FBXL20: variants seen among roughly 807,000 people sequenced by gnomAD.
FBXL20 encodes F-box and leucine rich repeat protein 20.
In FBXL20, 11 loss-of-function variants were observed where a neutral mutation model predicts 64.0. The observed-to-expected ratio is 0.17, with a 90% CI of 0.11 to 0.28. The LOEUF (loss-of-function observed/expected upper bound fraction) is 0.28. Ranked by LOEUF, FBXL20 falls within the 10% of genes least tolerant of loss-of-function variation. The pLI is 1.00. For synonymous variants in FBXL20, 184 were observed against 189.0 expected, an observed-to-expected ratio of 0.97 and a Z score of 0.22; for missense variants, 303 against 526.2, an observed-to-expected ratio of 0.58 and a Z score of 4.15.
chr17:39,319,219 A>T (rs1479713515), intron 2 of FBXL20, among the ~76,000 whole-genome samples: 1 of 152,092 alleles, frequency 6.6e-6, no homozygotes, highest in Non-Finnish European at 1.5e-5. Context: ...ACTGCACTCC[A>T]GCCTGGCAAC....
chr17:39,291,568 G>A (rs2047040077), intron 6 of FBXL20, among the ~76,000 whole-genome samples: 1 of 151,134 alleles, frequency 6.6e-6, no homozygotes, highest in Admixed American at 6.6e-5. Context: ...CAAGTATCTG[G>A]GACCACAGAC....
intron 1 of FBXL20, among the ~76,000 whole-genome samples, chr17:39,385,955 G>A (rs1211554931): frequency 1.3e-5 from 2 of 151,118 alleles, no homozygotes; most frequent in African/African-American, 2.4e-5. Context: ...ACTTGAACCC[G>A]GGAGGCAGAG....
At position 39,401,339 on chromosome 17, in the gene FBXL20, C is replaced by A. The variant is rs766481404; in HGVS notation, c.42+22G>T. ...CGCGCGACCCGCCCTCCTCACGCCG[C>A]CCGAGCCCCCCAAGCTCACACCTCA... On this transcript the variant is annotated intron_variant, in intron 1 of 14. Coordinates refer to ENST00000264658, the MANE Select transcript of FBXL20 (RefSeq NM_032875.3). The A allele has an allele frequency of 2.3e-5, 37 of 1,612,040 alleles. No individual in the cohort carries two copies. In the East Asian group the frequency reaches 8.2e-4, roughly 36 times the overall value.
intron 7 of FBXL20, 81 bp from the exon 8 acceptor site, chr17:39,282,936 A>G: frequency 6.5e-7 from 1 of 1,532,698 alleles, no homozygotes; most frequent in African/African-American, 1.4e-5. Context: ...TTGGCTATTT[A>G]GTAAAGGAAT....
intron 9 of FBXL20, among the ~76,000 whole-genome samples, chr17:39,279,417 T>G (rs2046928607): frequency 6.6e-6 from 1 of 151,566 alleles, no homozygotes; most frequent in African/African-American, 2.4e-5. Flanking sequence ...AAGGATTGCT[T>G]GAGCCCTGTA....
At chr17:39,393,296 A>T (rs973416775) in intron 1 of FBXL20, among the ~76,000 whole-genome samples, 2 of 151,992 alleles carry the variant, frequency 1.3e-5, no homozygotes, top group Admixed American at 6.6e-5. Flanking sequence ...TCAGGAAAAA[A>T]AAATAATAAA....
At chr17:39,295,370 G>A (rs1459021502) in intron 6 of FBXL20, among the ~76,000 whole-genome samples, 4 of 152,042 alleles carry the variant, frequency 2.6e-5, no homozygotes, top group Non-Finnish European at 4.4e-5. Flanking sequence ...GGGTTCAAGC[G>A]ATTCTCATGC....
At chr17:39,385,659 TCA>T (rs1370827411) in intron 1 of FBXL20, among the ~76,000 whole-genome samples, 3 of 152,112 alleles carry the variant, frequency 2.0e-5, no homozygotes, top group Admixed American at 6.6e-5. Flanking sequence ...TGGTAACAAT[TCA>T]CAGAGACTGA....
intron 12 of FBXL20, among the ~76,000 whole-genome samples, chr17:39,265,680 TAA>T (rs766227076): frequency 5.4e-4 from 79 of 146,092 alleles, no homozygotes; most frequent in East Asian, 4.6e-3. Flanking sequence ...TTTTTTAAAT[TAA>T]AAAAATTTTT....
intron 1 of FBXL20, among the ~76,000 whole-genome samples, chr17:39,364,602 C>T (rs1024871258): frequency 6.6e-6 from 1 of 152,066 alleles, no homozygotes; most frequent in Non-Finnish European, 1.5e-5. Context: ...AGAACAAGAC[C>T]CTGTCTCAAA....
chr17:39,383,848 C>A (rs2048050839), intron 1 of FBXL20, among the ~76,000 whole-genome samples: 1 of 151,862 alleles, frequency 6.6e-6, no homozygotes, highest in Non-Finnish European at 1.5e-5. Flanking sequence ...CCTCGGCCTC[C>A]CAAAGTGCTG....
intron 11 of FBXL20, among the ~76,000 whole-genome samples, chr17:39,269,262 C>A (rs1196540222): frequency 6.6e-6 from 1 of 151,960 alleles, no homozygotes; most frequent in African/African-American, 2.4e-5. Context: ...GGCATGATCT[C>A]GGCTCACGGC....
intron 10 of FBXL20, among the ~76,000 whole-genome samples, chr17:39,272,189 A>G (rs533646019): frequency 1.3e-5 from 2 of 152,166 alleles, no homozygotes; most frequent in East Asian, 3.9e-4. Context: ...GATCGAGACC[A>G]GCCTGGCCAA....
intron 1 of FBXL20, among the ~76,000 whole-genome samples, chr17:39,377,805 C>T (rs2047982699): frequency 6.6e-6 from 1 of 152,120 alleles, no homozygotes; most frequent in South Asian, 2.1e-4. Context: ...GCCCAGCCTG[C>T]AAGTCCTGTC....
chr17:39,386,193 G>A (rs1721071497), intron 1 of FBXL20, among the ~76,000 whole-genome samples: 1 of 151,762 alleles, frequency 6.6e-6, no homozygotes, highest in Admixed American at 6.6e-5. Flanking sequence ...TGTATTCCCA[G>A]CCACTCCAGA....
At position 39,293,503 on chromosome 17, in the gene FBXL20, G is replaced by A. The variant is rs186168963; in HGVS notation, c.398+3624C>T. On this transcript the variant is annotated intron_variant, in intron 6 of 14. Coordinates refer to ENST00000264658, the MANE Select transcript of FBXL20 (RefSeq NM_032875.3). ...CTCCCAAAGTGCTGAAATTGCAGGC[G>A]TGAGCCACCATGCCCGGCCTGATTC... Among the ~76,000 whole-genome samples the A allele has an allele frequency of 6.8e-3, 1,030 of 152,044 alleles. 11 individuals are homozygous for A. The highest frequency in any genetic ancestry group is 8.4e-3 in the Non-Finnish European group (568 of 67,960).
In FBXL20 at chr17:39,332,536, C is replaced by CTT. The variant is rs58827473; in HGVS notation, c.104+10642_104+10643dup. Among the ~76,000 whole-genome samples the CTT allele has an allele frequency of 6.1e-3, 587 of 96,924 alleles. 12 individuals carry two copies. The highest frequency in any genetic ancestry group is 0.011 in the African/African-American group (269 of 24,400). The allele number at this position is 96,924 out of a possible 152,430, so 63.6% of individuals were successfully genotyped here. On this transcript the variant is annotated intron_variant, in intron 2 of 14. Transcript: ENST00000264658. ...CCCCTTTGCTGATTTTTCTTTGTAT[C>CTT]TTTTTTTTTTTTTTTTTTTTTTTTA...
chr17:39,282,193 T>C (rs2046955118), intron 8 of FBXL20, among the ~76,000 whole-genome samples: 1 of 152,230 alleles, frequency 6.6e-6, no homozygotes, highest in Non-Finnish European at 1.5e-5. Context: ...TTCCAGAGGC[T>C]AACTAATCAA....
At chr17:39,325,335 G>A (rs905464267) in intron 2 of FBXL20, among the ~76,000 whole-genome samples, 2 of 152,200 alleles carry the variant, frequency 1.3e-5, no homozygotes, top group East Asian at 3.8e-4. Flanking sequence ...TTTTTGTACA[G>A]ATCTGACTCT....
Sources: allele counts gnomAD v4.1 joint callset (sites outside exome capture counted in the v4.1 genomes callset), GRCh38; gene constraint gnomAD v4.1.1; transcripts MANE v1.5; gene names NCBI Gene and HGNC (gene_info 2026-07-23, HGNC 2026-07-21).